The following ATG13 variants were observed in gnomAD, a reference collection of about 807,000 sequenced individuals.
The protein encoded by ATG13 is autophagy-related protein 13.
ATG13 carries 23 observed loss-of-function variants against 65.5 expected under a neutral mutation model. The observed-to-expected ratio is 0.35, with a 90% CI of 0.25 to 0.50. The LOEUF is 0.50. Ranked by LOEUF, ATG13 falls within the 20% of genes least tolerant of loss-of-function variation. The probability of loss-of-function intolerance (pLI) is 0.98; values close to 1 mark genes in which losing one functional copy is unlikely to be tolerated. For synonymous variants in ATG13, 252 were observed against 245.2 expected (o/e 1.03, Z -0.26); for missense variants, 566 against 677.0 (o/e 0.84, Z 1.82).
intron 2 of ATG13, among the ~76,000 whole-genome samples, chr11:46,643,832 G>T (rs1275599978): frequency 6.6e-6 from 1 of 151,918 alleles, no homozygotes; most frequent in Non-Finnish European, 1.5e-5. Context: ...CTATATGTAT[G>T]TTTTTTTCTG....
rs1001840814 is a variant in ATG13 at position 46,674,111 on chromosome 11, T to G, written c.*1779T>G. 17 of 152,254 alleles carry G rather than the reference T, an allele frequency of 1.1e-4. No individual in the cohort carries two copies. The highest frequency in any genetic ancestry group is 4.1e-4 in the African/African-American group (17 of 41,458). The allele number at this position is 152,254 out of a possible 1,614,324, so 9.4% of individuals were successfully genotyped here. A position where few individuals can be genotyped will look rare whatever the true frequency, so the allele number is the denominator to read the frequency against. ...CAGCTTTGAGAAGGGGGAAGGCCCC[T>G]GGTAAGTTATTGATGCCCCCATATT... On this transcript the variant is annotated 3_prime_UTR_variant, in exon 19 of 19. Coordinates refer to ENST00000683050, the MANE Select transcript of ATG13 (RefSeq NM_001346311.2).
chr11:46,651,795 G>A (rs2058957137), intron 7 of ATG13, among the ~76,000 whole-genome samples: 1 of 152,040 alleles, frequency 6.6e-6, no homozygotes, highest in Non-Finnish European at 1.5e-5. Flanking sequence ...CGTCTTCTCC[G>A]TAGTCTTCTG....
At chr11:46,633,668 G>A (rs1389989007) in intron 2 of ATG13, among the ~76,000 whole-genome samples, 2 of 152,032 alleles carry the variant, frequency 1.3e-5, no homozygotes, top group Non-Finnish European at 2.9e-5. Context: ...TTAATTAGCT[G>A]CACATGGTGT....
At chr11:46,637,138 G>C (rs1012678399) in intron 2 of ATG13, among the ~76,000 whole-genome samples, 1 of 152,076 alleles carries the variant, frequency 6.6e-6, no homozygotes, top group Non-Finnish European at 1.5e-5. Context: ...GAACTATAGG[G>C]GTTCACTATT....
intron 2 of ATG13, among the ~76,000 whole-genome samples, chr11:46,643,879 A>T (rs891583105): frequency 2.6e-5 from 4 of 152,248 alleles, no homozygotes; most frequent in Admixed American, 2.0e-4. Context: ...TCAAAAGCCC[A>T]TAACTCCCCA....
At chr11:46,627,647 T>C (rs1328681056) in intron 1 of ATG13, among the ~76,000 whole-genome samples, 1 of 151,918 alleles carries the variant, frequency 6.6e-6, no homozygotes, top group East Asian at 2.0e-4. Flanking sequence ...ATTTTTTTAT[T>C]TTTTTATTTT....
At chr11:46,671,027 G>A (rs144602264) in intron 18 of ATG13, among the ~76,000 whole-genome samples, 86 of 152,236 alleles carry the variant, frequency 5.6e-4, no homozygotes, top group African/African-American at 1.8e-3. Flanking sequence ...CCTCAATTTA[G>A]CCTTTTAACC....
At chr11:46,622,685 A>C (rs1047841246) in intron 1 of ATG13, among the ~76,000 whole-genome samples, 2 of 152,128 alleles carry the variant, frequency 1.3e-5, no homozygotes, top group Admixed American at 6.6e-5. Flanking sequence ...GTATCCAAAA[A>C]CTGATACACG....
chr11:46,672,540 C>T lies in ATG13; in HGVS notation c.*208C>T. The T allele has an allele frequency of 6.9e-7, 1 of 1,455,680 alleles. No individual in the cohort carries two copies. Among genetic ancestry groups the T allele is most frequent in the Non-Finnish European group, 9.1e-7 (1 of 1,103,318 alleles). 90.2% of individuals were successfully genotyped at this position (1,455,680 alleles called of 1,614,324 possible). A position where few individuals can be genotyped will look rare whatever the true frequency, so the allele number is the denominator to read the frequency against. The stretch of plus-strand genomic sequence containing the variant: ...AAGCCCAGTGCCCAGTTGGAGAAGA[C>T]TCACGTGCTGGCCTTGGAGATGGGA... On this transcript the variant is annotated 3_prime_UTR_variant, in exon 19 of 19. Coordinates refer to ENST00000683050, the MANE Select transcript of ATG13 (RefSeq NM_001346311.2).
intron 4 of ATG13, 28 bp from the exon 5 acceptor site, chr11:46,645,842 T>G (rs780406761): frequency 1.2e-6 from 2 of 1,613,664 alleles, no homozygotes; most frequent in Admixed American, 3.3e-5. Flanking sequence ...TGTGAGTGTT[T>G]CATGCAAAAG....
In ATG13 at chr11:46,645,331, T is replaced by C. The variant is rs760295528; in HGVS notation, c.70-8T>C. 4 of 1,596,486 alleles carry C rather than the reference T, an allele frequency of 2.5e-6. No individual in the cohort carries two copies. The African/African-American group carries it at 5.4e-5, about 22-fold the overall frequency. On this transcript the variant is annotated splice_region_variant and splice_polypyrimidine_tract_variant and intron_variant, in intron 3 of 18. Transcript: ENST00000683050. ...TTAGGATTTCTTTTGTGTTTTTTTT[T>C]TCTTTAGACTGTCCAAGTGATTGTC...
chr11:46,651,558 T>C (rs2058900071), intron 7 of ATG13, among the ~76,000 whole-genome samples: 1 of 152,178 alleles, frequency 6.6e-6, no homozygotes, highest in Non-Finnish European at 1.5e-5. Flanking sequence ...TGCCTTTCTT[T>C]TGTATTTAGT....
At chr11:46,636,489 C>T (rs994597475) in intron 2 of ATG13, among the ~76,000 whole-genome samples, 4 of 132,664 alleles carry the variant, frequency 3.0e-5, no homozygotes, top group East Asian at 2.5e-4. Context: ...ACCCAGGAAG[C>T]GGAGCTTGCA....
chr11:46,639,545 T>C (rs1392596607), intron 2 of ATG13, among the ~76,000 whole-genome samples: 2 of 152,160 alleles, frequency 1.3e-5, no homozygotes, highest in Non-Finnish European at 2.9e-5. Flanking sequence ...GTTCATTTCG[T>C]GCAGCAAGTG....
intron 2 of ATG13, chr11:46,630,917 G>A (rs2051479697): frequency 6.6e-6 from 1 of 151,906 alleles, no homozygotes; most frequent in Non-Finnish European, 1.5e-5. Flanking sequence ...TCTCCATGTT[G>A]TCCAGGCTGG....
chr11:46,642,312 T>TG, intron 2 of ATG13, among the ~76,000 whole-genome samples: 1 of 105,468 alleles, frequency 9.5e-6, no homozygotes, highest in Non-Finnish European at 2.2e-5. Context: ...GGGTTTTTTT[T>TG]TTTTTTTTTT....
At chr11:46,640,941 G>C (rs1210668714) in intron 2 of ATG13, among the ~76,000 whole-genome samples, 1 of 152,170 alleles carries the variant, frequency 6.6e-6, no homozygotes, top group Non-Finnish European at 1.5e-5. Flanking sequence ...TACGTACCGT[G>C]TACTCAGTGA....
chr11:46,621,069 T>C (rs891161392), intron 1 of ATG13: 5 of 151,924 alleles, frequency 3.3e-5, no homozygotes, highest in Non-Finnish European at 7.4e-5. Context: ...GGCTGGAGTG[T>C]AGTGGTGTGA....
At chr11:46,635,719 C>G (rs2053706599) in intron 2 of ATG13, among the ~76,000 whole-genome samples, 1 of 152,150 alleles carries the variant, frequency 6.6e-6, no homozygotes, top group African/African-American at 2.4e-5. Context: ...CCTAAGGGAA[C>G]ACATAGGCCT....
Sources: allele counts gnomAD v4.1 joint callset (sites outside exome capture counted in the v4.1 genomes callset), GRCh38; gene constraint gnomAD v4.1.1; transcripts MANE v1.5; gene names NCBI Gene and HGNC (gene_info 2026-07-23, HGNC 2026-07-21).